The following FAM234A variants were observed in gnomAD, a reference collection of about 807,000 sequenced individuals.
FAM234A encodes family with sequence similarity 234 member A.
A neutral mutation model predicts 49.1 loss-of-function variants in FAM234A; 42 were observed. The ratio of observed to expected loss-of-function variants is 0.86; its 90% confidence interval spans 0.67 to 1.11. The LOEUF (loss-of-function observed/expected upper bound fraction) is 1.11, where lower values mean the gene tolerates loss of function less well. Among genes scored for constraint, FAM234A ranks in the 50% least tolerant of loss-of-function variants. FAM234A has a pLI of 0.00. For missense variants in FAM234A, 815 were observed against 745.2 expected (o/e 1.09, Z -1.09); for synonymous variants, 369 against 316.2 (o/e 1.17, Z -1.77).
Position 265,265 on chromosome 16 carries a change from C to T in FAM234A, c.*243C>T. The T allele has an allele frequency of 6.0e-6, 8 of 1,337,300 alleles. No homozygotes were observed. In the South Asian group the frequency reaches 8.0e-5, roughly 13 times the overall value. 82.8% of individuals were successfully genotyped at this position (1,337,300 alleles called of 1,614,324 possible). A position where few individuals can be genotyped will look rare whatever the true frequency, so the allele number is the denominator to read the frequency against. On this transcript the variant is annotated 3_prime_UTR_variant, in exon 13 of 13. Transcript: ENST00000399932. ...CCCTGAGTCCCCACACAGGGCCTCA[C>T]TCTGCACCCCACCAGGGTCCCGCTC...
chr16:261,692 T>C (rs1596842181), intron 6 of FAM234A, among the ~76,000 whole-genome samples, 178 bp downstream of exon 6: 1 of 152,188 alleles, frequency 6.6e-6, no homozygotes, highest in African/African-American at 2.4e-5. Flanking sequence ...GGGGGCTCCA[T>C]CTCTACCAGG....
chr16:263,858 A>G (rs2051584226), intron 10 of FAM234A, 83 bp downstream of exon 10: 3 of 1,407,400 alleles, frequency 2.1e-6, no homozygotes, highest in East Asian at 4.6e-5. Flanking sequence ...GCTGCGGCCC[A>G]GGAGGCTGCT....
chr16:240,845 T>G (rs2050588327), intron 1 of FAM234A, among the ~76,000 whole-genome samples: 1 of 152,210 alleles, frequency 6.6e-6, no homozygotes, highest in Non-Finnish European at 1.5e-5. Flanking sequence ...TTTCAGTTTC[T>G]GTTTCTAACT....
At chr16:266,798 C>T (rs996829944), downstream of FAM234A, among the ~76,000 whole-genome samples, 13 of 152,014 alleles carry the variant, frequency 8.6e-5, no homozygotes, top group African/African-American at 3.1e-4. Flanking sequence ...TCTGCGGACG[C>T]GTCCTATAAG....
At chr16:268,822 C>G (rs758741011), downstream of FAM234A, 14 of 1,550,206 alleles carry the variant, frequency 9.0e-6, no homozygotes, top group Admixed American at 2.5e-4. Flanking sequence ...GGGCAGAGCT[C>G]GCGCCGAGAC....
At chr16:267,062 C>T (rs2051712335), downstream of FAM234A, among the ~76,000 whole-genome samples, 1 of 152,134 alleles carries the variant, frequency 6.6e-6, no homozygotes, top group South Asian at 2.1e-4. Flanking sequence ...GTTTCCCTCC[C>T]TGCAGGAACA....
chr16:241,306 G>C (rs2050604633), intron 1 of FAM234A, among the ~76,000 whole-genome samples: 2 of 152,114 alleles, frequency 1.3e-5, no homozygotes, highest in Non-Finnish European at 2.9e-5. Context: ...TTCAGGCTGG[G>C]CACGGTGGTT....
intron 1 of FAM234A, among the ~76,000 whole-genome samples, chr16:246,052 A>G (rs1341895131): frequency 1.3e-5 from 2 of 151,380 alleles, no homozygotes; most frequent in Non-Finnish European, 2.9e-5. Context: ...AAAATACAAA[A>G]ATTAGCTGGG....
Position 263,720 on chromosome 16 carries a change from A to G in FAM234A, c.1133A>G (p.Tyr378Cys), listed in dbSNP as rs372774735. Residue 378 changes from tyrosine (Y) to cysteine (C), a missense_variant, in exon 10 of 13, where the codon TAC becomes TGC. Coordinates refer to ENST00000399932, the MANE Select transcript of FAM234A (RefSeq NM_032039.4). ...TCCAGAAAACCCATCTTCGGCCGCT[A>G]CAAACCAGACACCTTGGCTGTAGCC... ...HVLRKPIFGR[Y>C]KPDTLAVAVE... 2 of 1,614,018 alleles carry G rather than the reference A, an allele frequency of 1.2e-6. No individual in the cohort carries two copies. The highest frequency in any genetic ancestry group is 1.7e-6 in the Non-Finnish European group (2 of 1,179,926).
chr16:261,414 T>C lies in FAM234A; in HGVS notation c.608T>C (p.Phe203Ser). 1 of 1,613,056 alleles carries C rather than the reference T, an allele frequency of 6.2e-7. No homozygotes were observed. The highest frequency in any genetic ancestry group is 8.5e-7 in the Non-Finnish European group (1 of 1,179,364). Reference protein sequence around the residue: ...GETLWNHSSSFSGNASILSPL... With the variant: ...GETLWNHSSSSSGNASILSPL... ...ACCCTGTGGAACCACAGCAGCAGCT[T>C]CAGCGGGAATGCGTCCATCCTGAGC... is the stretch of plus-strand genomic sequence containing the variant. The change falls in exon 6 of 13, where the codon TTC becomes TCC. Residue 203 changes from phenylalanine to serine, a missense_variant. Phe to Ser is a radical substitution (Grantham distance 155). Transcript: ENST00000399932.
rs967294690 is a variant in FAM234A at position 261,477 on chromosome 16, C to A, written c.671C>A (p.Ala224Asp). Residue 224 changes from alanine (A) to aspartate (D), a missense_variant, in exon 6 of 13, where the codon GCC (alanine) becomes GAC (aspartate). Transcript: ENST00000399932. ...GTGCCTGATGTGGACGGCGATGGGGCCCCAGACCTGCTGGTTCTCACCCAG... is the reference window on the plus strand; with the variant it reads ...GTGCCTGATGTGGACGGCGATGGGGACCCAGACCTGCTGGTTCTCACCCAG... ...LQVPDVDGDGAPDLLVLTQER... is the reference protein window; with the variant it reads ...LQVPDVDGDGDPDLLVLTQER... 1 of 1,612,042 alleles carries A rather than the reference C, an allele frequency of 6.2e-7. No homozygotes were observed. The highest frequency in any genetic ancestry group is 8.5e-7 in the Non-Finnish European group (1 of 1,179,446).
intron 1 of FAM234A, 33 bp downstream of exon 1, chr16:234,890 A>ACGCCGCAGGGG (rs1216645421): frequency 1.1e-3 from 170 of 152,368 alleles, no homozygotes; most frequent in African/African-American, 4.0e-3. Context: ...TCGCGCGTGC[A>ACGCCGCAGGGG]CGCCGCAGGG....
chr16:263,553 C>T, intron 9 of FAM234A, 147 bp from the exon 10 acceptor site: 1 of 1,307,746 alleles, frequency 7.6e-7, no homozygotes, highest in South Asian at 1.3e-5. Context: ...GGTACTTGCC[C>T]CTTGCCCCAG....
intron 1 of FAM234A, chr16:240,151 A>C (rs2050560384): frequency 6.6e-6 from 1 of 152,138 alleles, no homozygotes; most frequent in Non-Finnish European, 1.5e-5. Context: ...CATTGTGTAA[A>C]TACATTTCTT....
At chr16:249,355 C>G (rs2050917874) in intron 1 of FAM234A, among the ~76,000 whole-genome samples, 194 bp from the exon 2 acceptor site, 1 of 151,970 alleles carries the variant, frequency 6.6e-6, no homozygotes, top group Non-Finnish European at 1.5e-5. Context: ...AGCAGCTGCT[C>G]CTGACTGGGA....
At chr16:258,454 A>C (rs2051326267) in intron 3 of FAM234A, among the ~76,000 whole-genome samples, 2 of 152,180 alleles carry the variant, frequency 1.3e-5, no homozygotes, top group African/African-American at 4.8e-5. Context: ...CATGTTTCAG[A>C]GAGCACAGGG....
In FAM234A at chr16:262,271, A is replaced by G. The variant is rs759387151; in HGVS notation, c.841+46A>G. The G allele has an allele frequency of 8.2e-5, 132 of 1,606,288 alleles. 2 individuals are homozygous for G. In the Admixed American group the frequency reaches 2.2e-3, roughly 26 times the overall value. On this transcript the variant is annotated intron_variant, in intron 7 of 12. Coordinates refer to ENST00000399932, the MANE Select transcript of FAM234A (RefSeq NM_032039.4). ...CCCTGGCCAGCCTCACTCGTGGAGC[A>G]TGACTGCCCTGCGGCTCCTCAGGTC...
intron 5 of FAM234A, chr16:260,559 G>C (rs557300644): frequency 2.1e-6 from 1 of 479,150 alleles, no homozygotes; most frequent in African/African-American, 2.0e-5. Context: ...ATCGGGGCCT[G>C]TCAGTGCCCC....
At position 265,324 on chromosome 16, in the gene FAM234A, C is replaced by G. The variant is rs1373655404; in HGVS notation, c.*302C>G. 1 of 1,189,348 alleles carries G rather than the reference C, an allele frequency of 8.4e-7. No homozygotes were observed. Among genetic ancestry groups the G allele is most frequent in the Non-Finnish European group, 1.0e-6 (1 of 956,372 alleles). The allele number at this position is 1,189,348 out of a possible 1,614,324, so 73.7% of individuals were successfully genotyped here. A position where few individuals can be genotyped will look rare whatever the true frequency, so the allele number is the denominator to read the frequency against. On this transcript the variant is annotated 3_prime_UTR_variant, in exon 13 of 13. Coordinates refer to ENST00000399932, the MANE Select transcript of FAM234A (RefSeq NM_032039.4). ...CAGCCTTCATAGTGGTCTCCCTGGC[C>G]ACCTTGGGCAGAGCTGGGTCATGCA...
Sources: gnomAD v4.1 joint callset for allele counts (sites outside exome capture counted in the v4.1 genomes callset) on GRCh38, gnomAD v4.1.1 for gene constraint, MANE v1.5 for transcripts, NCBI Gene and HGNC (gene_info 2026-07-23, HGNC 2026-07-21) for gene names.